The following GLB1L2 variants were observed in gnomAD, a reference collection of about 807,000 sequenced individuals.
GLB1L2 encodes beta-galactosidase-1-like protein 2.
In GLB1L2, 68 loss-of-function variants were observed where a neutral mutation model predicts 84.1. The observed-to-expected ratio is 0.81, with a 90% CI of 0.67 to 0.99. The LOEUF is 0.99. Ranked by LOEUF, GLB1L2 falls within the 50% of genes least tolerant of loss-of-function variation. The pLI is 0.00. For synonymous variants in GLB1L2, 290 were observed against 318.0 expected (o/e 0.91, Z 0.94); for missense variants, 762 against 805.6 (o/e 0.95, Z 0.66).
Position 134,374,166 on chromosome 11 carries a change from T to C in GLB1L2, c.1617T>C (p.Ser539=). Reference sequence around the variant, plus strand: ...TTAGGTTCGGCCTGGACAAATGGAGTTCCCTCCCAGAAACACCCACATTAC... The same window carrying C: ...TTAGGTTCGGCCTGGACAAATGGAGCTCCCTCCCAGAAACACCCACATTAC... The part of the protein sequence containing the change: ...FFQRFGLDKW[S]SLPETPTLPA... Residue 539 remains serine, a synonymous_variant, in exon 17 of 19, where the codon AGT becomes AGC. Transcript: ENST00000535456. The C allele has an allele frequency of 6.2e-7, 1 of 1,613,922 alleles. No homozygotes were observed. The highest frequency in any genetic ancestry group is 8.5e-7 in the Non-Finnish European group (1 of 1,179,808).
chr11:134,363,247 C>T (rs948172049), intron 7 of GLB1L2, among the ~76,000 whole-genome samples: 2 of 152,206 alleles, frequency 1.3e-5, no homozygotes, highest in African/African-American at 4.8e-5. Context: ...CAGTCCCGCT[C>T]TGCCGCTACC....
rs200983096 is a variant in GLB1L2, at chr11:134,364,368, G to A, written c.774G>A (p.Gln258=). ...TINLQSTHEL[Q]LLTTFLFNVQ... is the part of the protein sequence containing the mutation. ...ACTTGCAGTCAACACACGAGCTGCA[G>A]CTACTGACCACCTTTCTCTTCAACG... The change falls in exon 8 of 19, where the codon CAG becomes CAA. Residue 258 remains glutamine, a synonymous_variant. Transcript: ENST00000535456. The A allele has an allele frequency of 4.1e-5, 66 of 1,614,126 alleles. 1 individual carries two copies. The East Asian group carries it at 1.4e-3, about 35-fold the overall frequency.
chr11:134,374,070 C>T, intron 16 of GLB1L2, 75 bp from the exon 17 acceptor site: 8 of 1,086,554 alleles, frequency 7.4e-6, no homozygotes, highest in Non-Finnish European at 1.1e-5. Context: ...GGTGTCAGGG[C>T]CTTTTATTTT....
chr11:134,347,308 C>A lies in GLB1L2; in HGVS notation c.450-17C>A. The A allele has an allele frequency of 6.3e-7, 1 of 1,592,700 alleles. No individual in the cohort carries two copies. Among genetic ancestry groups the A allele is most frequent in the South Asian group, 1.1e-5 (1 of 90,648 alleles). On this transcript the variant is annotated splice_polypyrimidine_tract_variant and intron_variant, in intron 4 of 18. Transcript: ENST00000535456. ...TGTGACACTAACATCCTTCCTTTCCCCCGTTTACACTTCAAGCTGGCTACT... is the reference window on the plus strand; with the variant it reads ...TGTGACACTAACATCCTTCCTTTCCACCGTTTACACTTCAAGCTGGCTACT...
At chr11:134,335,898 C>G (rs903150987) in intron 1 of GLB1L2, among the ~76,000 whole-genome samples, 9 of 152,146 alleles carry the variant, frequency 5.9e-5, no homozygotes, top group African/African-American at 2.2e-4. Flanking sequence ...CGTCCTCCCT[C>G]CCTCCCTCTC....
At chr11:134,367,437 G>T (rs1943880920) in intron 9 of GLB1L2, 96 bp downstream of exon 9, 1 of 1,003,078 alleles carries the variant, frequency 1.0e-6, no homozygotes, top group African/African-American at 1.6e-5. Context: ...CATAGGGGGT[G>T]CAAGGCTGCT....
chr11:134,362,504 C>T (rs1456465897), intron 7 of GLB1L2, among the ~76,000 whole-genome samples: 1 of 152,196 alleles, frequency 6.6e-6, no homozygotes, highest in Admixed American at 6.5e-5. Context: ...AGTTCTTCCC[C>T]CTGGGATGAC....
chr11:134,356,416 T>A, intron 6 of GLB1L2, 23 bp downstream of exon 6: 1 of 1,542,106 alleles, frequency 6.5e-7, no homozygotes, highest in Non-Finnish European at 9.0e-7. Context: ...TTAGTGCGTT[T>A]CTTTAGATTC....
Position 134,371,159 on chromosome 11 carries a change from C to A in GLB1L2, c.1356+11C>A. The A allele has an allele frequency of 6.2e-7, 1 of 1,613,992 alleles. No homozygotes were observed. The highest frequency in any genetic ancestry group is 8.5e-7 in the Non-Finnish European group (1 of 1,179,932). ...CATGATCGGGGGCAGGTAGGAGCTT[C>A]TCTTCTAAATTCCTGTGACCTTCTG... On this transcript the variant is annotated intron_variant, in intron 13 of 18. Transcript: ENST00000535456.
intron 10 of GLB1L2, among the ~76,000 whole-genome samples, chr11:134,369,580 G>T (rs113270565): frequency 0.028 from 4,177 of 151,698 alleles, 227 homozygotes; most frequent in African/African-American, 0.096. Context: ...CTCCCAAAGT[G>T]CTGGGATTGC....
At chr11:134,356,797 T>C (rs1336001437) in intron 6 of GLB1L2, among the ~76,000 whole-genome samples, 4 of 152,182 alleles carry the variant, frequency 2.6e-5, no homozygotes, top group African/African-American at 4.8e-5. Flanking sequence ...AGAAGAATCC[T>C]TGGGGTTCTC....
intron 7 of GLB1L2, 145 bp downstream of exon 7, chr11:134,359,286 C>G (rs1012669760): frequency 1.8e-6 from 1 of 570,300 alleles, no homozygotes; most frequent in Non-Finnish European, 3.1e-6. Flanking sequence ...TGCAGACACC[C>G]TTGGGTTCCA....
At chr11:134,347,223 TG>T in intron 4 of GLB1L2, 101 bp from the exon 5 acceptor site, 1 of 856,096 alleles carries the variant, frequency 1.2e-6, no homozygotes, top group Non-Finnish European at 2.0e-6. Flanking sequence ...CAGGTCATTC[TG>T]GAGCACTGGG....
intron 1 of GLB1L2, among the ~76,000 whole-genome samples, chr11:134,341,633 C>A (rs1465687214): frequency 6.6e-6 from 1 of 152,198 alleles, no homozygotes; most frequent in Non-Finnish European, 1.5e-5. Flanking sequence ...CCTGGAGCTT[C>A]GGTGTGAGTT....
Position 134,334,628 on chromosome 11 carries a change from T to C in GLB1L2, c.86+2481T>C, listed in dbSNP as rs1318515767. On this transcript the variant is annotated intron_variant, in intron 1 of 18. Transcript: ENST00000535456. This position sits in a 1 kb window ranked among gnomAD's most constrained non-coding sequence, Gnocchi z 4.1. ...CAGCCACCAGCCCCCAAAGTTTCCA[T>C]GTACCTCTCTGTCATCCCTCCCTCC... Among the ~76,000 whole-genome samples, 2 of 152,140 alleles carry C rather than the reference T, an allele frequency of 1.3e-5. No individual in the cohort carries two copies. Among genetic ancestry groups the C allele is most frequent in the African/African-American group, 4.8e-5 (2 of 41,434 alleles).
Position 134,356,289 on chromosome 11 carries a change from T to C in GLB1L2, c.559-12T>C. 1 of 1,611,880 alleles carries C rather than the reference T, an allele frequency of 6.2e-7. No individual in the cohort carries two copies. Among genetic ancestry groups the C allele is most frequent in the Admixed American group, 1.7e-5 (1 of 59,974 alleles). On this transcript the variant is annotated splice_polypyrimidine_tract_variant and intron_variant, in intron 5 of 18. Coordinates refer to ENST00000535456, the MANE Select transcript of GLB1L2 (RefSeq NM_001370461.1). ...CACACTCAGCTCCTGGTTTTCTGTC[T>C]TTTCTCCGCAGTACAAGCGTGGGGG...
Position 134,371,763 on chromosome 11 carries a change from G to A in GLB1L2, c.1440G>A (p.Val480=), listed in dbSNP as rs200238589. The A allele has an allele frequency of 9.9e-6, 16 of 1,614,174 alleles. No individual in the cohort carries two copies. In the African/African-American group the frequency reaches 2.0e-4, roughly 20 times the overall value. Residue 480 remains valine (V), a synonymous_variant, in exon 15 of 19, where the codon GTG becomes GTA. Coordinates refer to ENST00000535456, the MANE Select transcript of GLB1L2 (RefSeq NM_001370461.1). ...IAVPLIQGYT[V]LRILVENRGR... ...CGTGTTCCCGGCAGGGTTACACCGTGCTGAGGATCTTGGTGGAGAATCGTG... is the reference window on the plus strand; with the variant it reads ...CGTGTTCCCGGCAGGGTTACACCGTACTGAGGATCTTGGTGGAGAATCGTG...
intron 16 of GLB1L2, 80 bp downstream of exon 16, chr11:134,373,888 G>T: frequency 9.2e-7 from 1 of 1,084,452 alleles, no homozygotes; most frequent in Non-Finnish European, 1.4e-6. Flanking sequence ...CTGGTGCACC[G>T]TGGCCTGGCC....
At chr11:134,371,366 C>A in intron 13 of GLB1L2, 55 bp from the exon 14 acceptor site, 4 of 1,239,458 alleles carry the variant, frequency 3.2e-6, no homozygotes, top group East Asian at 4.6e-5. Context: ...TGGAGGAGGT[C>A]CCGCTTACCC....
Sources: gnomAD v4.1 joint callset for allele counts (sites outside exome capture counted in the v4.1 genomes callset) on GRCh38, gnomAD v4.1.1 for gene constraint, Gnocchi (gnomAD v3.1) non-coding constraint, MANE v1.5 for transcripts, NCBI Gene and HGNC (gene_info 2026-07-23, HGNC 2026-07-21) for gene names.